The following PDGFD variants were observed in gnomAD, a reference collection of about 807,000 sequenced individuals.
PDGFD encodes the protein platelet derived growth factor D, also known as platelet-derived growth factor D.
A neutral mutation model predicts 44.7 loss-of-function variants in PDGFD; 30 were observed. The observed-to-expected ratio is 0.67, with a 90% CI of 0.50 to 0.91. PDGFD has a LOEUF of 0.91. Among genes scored for constraint, PDGFD ranks in the 40% least tolerant of loss-of-function variants. PDGFD has a pLI of 0.00. For synonymous variants in PDGFD, 173 were observed against 168.4 expected (o/e 1.03, Z -0.21); for missense variants, 445 against 457.8 (o/e 0.97, Z 0.25).
intron 1 of PDGFD, among the ~76,000 whole-genome samples, chr11:104,150,525 G>T (rs1036654053): frequency 6.6e-6 from 1 of 152,132 alleles, no homozygotes; most frequent in Non-Finnish European, 1.5e-5. Flanking sequence ...CAAATTTACA[G>T]GCTTAAAACA....
chr11:103,941,710 G>A (rs991796402), intron 5 of PDGFD, among the ~76,000 whole-genome samples: 1 of 151,766 alleles, frequency 6.6e-6, no homozygotes, highest in African/African-American at 2.4e-5. Flanking sequence ...AATTTCTAGG[G>A]GGAAAAAAAG....
chr11:104,030,073 G>A (rs188695454), intron 1 of PDGFD, among the ~76,000 whole-genome samples: 18 of 152,164 alleles, frequency 1.2e-4, no homozygotes, highest in East Asian at 1.9e-4. Context: ...CAAAATTATC[G>A]TATAAAATTA....
intron 1 of PDGFD, among the ~76,000 whole-genome samples, chr11:104,085,528 G>A (rs1032525635): frequency 6.6e-6 from 1 of 151,858 alleles, no homozygotes; most frequent in Non-Finnish European, 1.5e-5. Context: ...CTGTTTAAAT[G>A]TATTATATAG....
intron 1 of PDGFD, among the ~76,000 whole-genome samples, chr11:104,119,002 AATAATATAATATATT>A (rs1347255069): frequency 0.045 from 29 of 638 alleles, 1 homozygote; most frequent in East Asian, 0.083. Context: ...AATATAATAA[AATAATATAATATATT>A]ATATAATATA....
chr11:104,037,849 G>A, intron 1 of PDGFD: 5 of 1,614,122 alleles, frequency 3.1e-6, no homozygotes, highest in Non-Finnish European at 4.2e-6. Flanking sequence ...ATGTTCCATC[G>A]ATTTGAAGAA....
At position 104,045,984 on chromosome 11, in the gene PDGFD, G is replaced by T. The variant is rs183103963; in HGVS notation, c.125-45729C>A. On this transcript the variant is annotated intron_variant, in intron 1 of 6. Coordinates refer to ENST00000393158, the MANE Select transcript of PDGFD (RefSeq NM_025208.5). ...AAAGAGTCCAGAAACTGGGGGGCAA[G>T]CAGAGGAAGATATTACCAGATTGTT... Among the ~76,000 whole-genome samples the T allele has an allele frequency of 8.7e-3, 1,277 of 146,822 alleles. 118 individuals carry two copies. The highest frequency in any genetic ancestry group is 0.03 in the African/African-American group (1,204 of 40,396).
chr11:103,950,284 C>T (rs1239158896), intron 3 of PDGFD, among the ~76,000 whole-genome samples: 1 of 151,472 alleles, frequency 6.6e-6, no homozygotes, highest in Non-Finnish European at 1.5e-5. Context: ...AGTGGTGGCT[C>T]ACGCTTGTAA....
At position 103,952,884 on chromosome 11, in the gene PDGFD, C is replaced by T. The variant is rs187638650; in HGVS notation, c.511-5160G>A. Among the ~76,000 whole-genome samples the T allele has an allele frequency of 2.6e-5, 4 of 152,284 alleles. No homozygotes were observed. In the East Asian group the frequency reaches 7.7e-4, roughly 29 times the overall value. On this transcript the variant is annotated intron_variant, in intron 3 of 6. Coordinates refer to ENST00000393158, the MANE Select transcript of PDGFD (RefSeq NM_025208.5). ...TGAAACAAAGCTCCCTCATTCTCTG[C>T]ATTTTACTATTAAGCTTTGGAACAT...
intron 1 of PDGFD, among the ~76,000 whole-genome samples, chr11:104,041,631 C>T (rs1860355346): frequency 6.6e-6 from 1 of 152,062 alleles, no homozygotes; most frequent in Non-Finnish European, 1.5e-5. Context: ...ACTTAAATAA[C>T]CATCTTACCT....
chr11:104,151,002 C>G (rs1358180747), intron 1 of PDGFD, among the ~76,000 whole-genome samples: 2 of 152,134 alleles, frequency 1.3e-5, no homozygotes, highest in Non-Finnish European at 2.9e-5. Context: ...TAAAAATGGT[C>G]ATTTTATATA....
At chr11:104,031,508 G>T (rs1342293857) in intron 1 of PDGFD, among the ~76,000 whole-genome samples, 2 of 152,232 alleles carry the variant, frequency 1.3e-5, no homozygotes, top group Non-Finnish European at 2.9e-5. Context: ...TGCTGGTGAG[G>T]TTGTTGAGAA....
intron 1 of PDGFD, among the ~76,000 whole-genome samples, chr11:104,019,534 A>C (rs1344796183): frequency 2.6e-5 from 4 of 152,356 alleles, no homozygotes; most frequent in South Asian, 4.1e-4. Flanking sequence ...TGCAAAGTAC[A>C]ATGGCAGACA....
chr11:103,972,296 C>T (rs1027732006), intron 3 of PDGFD, among the ~76,000 whole-genome samples: 6 of 152,168 alleles, frequency 3.9e-5, no homozygotes, highest in Non-Finnish European at 8.8e-5. Flanking sequence ...CTTACCCCCA[C>T]ATTGTGACAA....
At chr11:103,923,212 A>G (rs1433580753) in intron 6 of PDGFD, among the ~76,000 whole-genome samples, 1 of 152,186 alleles carries the variant, frequency 6.6e-6, no homozygotes, top group East Asian at 1.9e-4. Flanking sequence ...TATCTAGTAT[A>G]TTCCAAGAAG....
At chr11:104,033,446 C>T (rs1166692983) in intron 1 of PDGFD, among the ~76,000 whole-genome samples, 2 of 151,808 alleles carry the variant, frequency 1.3e-5, no homozygotes, top group Non-Finnish European at 2.9e-5. Context: ...AGGTAAAATG[C>T]TGAAAAACAA....
At chr11:104,119,741 A>G (rs1321022837) in intron 1 of PDGFD, among the ~76,000 whole-genome samples, 2 of 108,008 alleles carry the variant, frequency 1.9e-5, no homozygotes, top group African/African-American at 3.9e-5. Flanking sequence ...TAATAGAAAT[A>G]TATATTATAT....
chr11:103,958,130 T>C (rs1299713453), intron 3 of PDGFD, among the ~76,000 whole-genome samples: 1 of 152,140 alleles, frequency 6.6e-6, no homozygotes, highest in Non-Finnish European at 1.5e-5. Context: ...CCGGTGACTA[T>C]ATGAAATACT....
At chr11:104,015,614 C>G (rs1412481110) in intron 1 of PDGFD, among the ~76,000 whole-genome samples, 1 of 152,024 alleles carries the variant, frequency 6.6e-6, no homozygotes, top group East Asian at 1.9e-4. Context: ...GATTTTCTAG[C>G]CTACATATGT....
At chr11:104,124,195 AG>A (rs1861813075) in intron 1 of PDGFD, among the ~76,000 whole-genome samples, 1 of 152,094 alleles carries the variant, frequency 6.6e-6, no homozygotes, top group African/African-American at 2.4e-5. Context: ...GGTCCTAAAC[AG>A]AATTCTGAAG....
Sources: allele counts gnomAD v4.1 joint callset (sites outside exome capture counted in the v4.1 genomes callset), GRCh38; gene constraint gnomAD v4.1.1; transcripts MANE v1.5; gene names NCBI Gene and HGNC (gene_info 2026-07-23, HGNC 2026-07-21).